NUMA1: variants seen among roughly 807,000 people sequenced by gnomAD.
NUMA1 encodes the protein nuclear mitotic apparatus protein 1, also known as SP-H antigen.
NUMA1 carries 62 observed loss-of-function variants against 237.1 expected under a neutral mutation model. That is an observed-to-expected ratio of 0.26 (90% CI 0.21 to 0.32). The LOEUF is 0.32. Among genes scored for constraint, NUMA1 ranks in the 10% least tolerant of loss-of-function variants. NUMA1 has a pLI of 1.00. For synonymous variants in NUMA1, 1,028 were observed against 1,066.1 expected (o/e 0.96, Z 0.70); for missense variants, 2,533 against 2,666.5 (o/e 0.95, Z 1.10).
chr11:72,067,967 C>T lies in NUMA1; in HGVS notation c.-33+1875G>A, dbSNP rs933640292. 2.6e-5 allele frequency: 4 copies of T among 152,360 alleles called. No individual in the cohort carries two copies. In the Middle Eastern group the frequency reaches 0.01, roughly 389 times the overall value. The allele number at this position is 152,360 out of a possible 1,614,324, so 9.4% of individuals were successfully genotyped here. A position where few individuals can be genotyped will look rare whatever the true frequency, so the allele number is the denominator to read the frequency against. On this transcript the variant is annotated intron_variant, in intron 2 of 26. Transcript: ENST00000393695. ...AGATAACAGCCCCTAGGCTTGACCC[C>T]TTCACCATCTTCCTGCCTACCTTTT...
intron 4 of NUMA1, 98 bp downstream of exon 4, chr11:72,029,107 T>C: frequency 2.4e-6 from 2 of 823,408 alleles, no homozygotes; most frequent in South Asian, 1.7e-5. Flanking sequence ...CCCTGATTTC[T>C]GGTCATAGCC....
At chr11:72,019,059 C>CG in intron 9 of NUMA1, 79 bp from the exon 10 acceptor site, 3 of 1,536,018 alleles carry the variant, frequency 2.0e-6, no homozygotes, top group Non-Finnish European at 2.7e-6. Context: ...AGTAAGGGAG[C>CG]GGGGTCTATG....
intron 2 of NUMA1, among the ~76,000 whole-genome samples, chr11:72,061,290 C>T (rs1020503197): frequency 2.6e-5 from 4 of 152,028 alleles, no homozygotes; most frequent in Non-Finnish European, 5.9e-5. Context: ...GTCTAATTGG[C>T]CACAGCCAGA....
chr11:72,063,546 G>C (rs1413842960), intron 2 of NUMA1, among the ~76,000 whole-genome samples: 8 of 150,698 alleles, frequency 5.3e-5, no homozygotes, highest in Non-Finnish European at 1.0e-4. Context: ...TAGGATGATG[G>C]GTGTGAGCCA....
In NUMA1 at chr11:72,006,291, T is replaced by C. The variant is rs7938674; in HGVS notation, c.5464-28A>G. 12,589 of 1,596,994 alleles carry C rather than the reference T, an allele frequency of 7.9e-3. 711 individuals carry two copies. In the African/African-American group the frequency reaches 0.13, roughly 17 times the overall value. ...GGAAGACAGAGTGAATCTGTTGCAG[T>C]GTACAGTCCCTGGCACTGTACAGAA... On this transcript the variant is annotated intron_variant, in intron 21 of 26. Transcript: ENST00000393695.
chr11:72,037,555 A>C (rs920616628), intron 2 of NUMA1, among the ~76,000 whole-genome samples: 9 of 152,244 alleles, frequency 5.9e-5, no homozygotes, highest in Admixed American at 1.3e-4. Context: ...AGCCACATGG[A>C]AAATGGGAGA....
chr11:72,049,300 G>A (rs912444269), intron 2 of NUMA1: 1 of 151,878 alleles, frequency 6.6e-6, no homozygotes, highest in African/African-American at 2.4e-5. Flanking sequence ...AAACATAGTA[G>A]ATCTGGTGTT....
chr11:72,023,097 C>A lies in NUMA1; in HGVS notation c.259G>T (p.Val87Leu). 6.2e-7 allele frequency: 1 copy of A among 1,614,000 alleles called. No homozygotes were observed. Among genetic ancestry groups the A allele is most frequent in the Non-Finnish European group, 8.5e-7 (1 of 1,179,928 alleles). The change falls in exon 6 of 27, where the codon GTG (valine) becomes TTG (leucine). Residue 87 changes from valine to leucine, a missense_variant. Val to Leu is a conservative substitution (Grantham distance 32). Transcript: ENST00000393695. ...AGTTCCAGCTCTGATCCCTCTAGCACCTTCTGTGCAGATACCAGGCATTCT... is the reference window on the plus strand; with the variant it reads ...AGTTCCAGCTCTGATCCCTCTAGCAACTTCTGTGCAGATACCAGGCATTCT... ...SPECLVSAQK[V>L]LEGSELELAK... is the part of the protein sequence containing the mutation.
intron 13 of NUMA1, 116 bp downstream of exon 13, chr11:72,017,570 TG>T: frequency 8.0e-7 from 1 of 1,245,752 alleles, no homozygotes; most frequent in Non-Finnish European, 1.2e-6. Flanking sequence ...AGCACACTAT[TG>T]AACCTTGAAG....
At position 72,024,313 on chromosome 11, in the gene NUMA1, C is replaced by T. The variant is rs745550456; in HGVS notation, c.169G>A (p.Val57Met). ...CACACAAAGTCCAGTCTCTCTGACACCGGCTGCTTCAAGATTTGCTGTCCC... is the reference window on the plus strand; with the variant it reads ...CACACAAAGTCCAGTCTCTCTGACATCGGCTGCTTCAAGATTTGCTGTCCC... ...EEGQQILKQP[V>M]SERLDFVCSF... The change falls in exon 5 of 27, where the codon GTG (valine) becomes ATG (methionine). Residue 57 changes from valine (V) to methionine (M), a missense_variant. Around this residue, in one of 3 missense-constraint regions of NUMA1, gnomAD observed 1,414 missense variants for 1,508.1 expected, o/e 0.94. Transcript: ENST00000393695. 39 of 1,614,104 alleles carry T rather than the reference C, an allele frequency of 2.4e-5. No individual in the cohort carries two copies. The South Asian group carries it at 4.3e-4, about 18-fold the overall frequency.
chr11:72,055,965 TACACACAC>T (rs58350314), intron 2 of NUMA1, among the ~76,000 whole-genome samples: 122,269 of 148,128 alleles, frequency 0.83, 51,270 homozygotes, highest in Non-Finnish European at 0.92. Context: ...AAAATACACA[TACACACAC>T]ACACACACAC....
At chr11:72,024,818 A>C (rs562107241) in intron 4 of NUMA1, 1 of 160,022 alleles carries the variant, frequency 6.2e-6, no homozygotes, top group South Asian at 1.7e-4. Flanking sequence ...CTGAAGTGAC[A>C]GGGTGAAGTT....
rs961088916 is a variant in NUMA1 at position 72,010,821 on chromosome 11, C to T, written c.4684G>A (p.Asp1562Asn). The T allele has an allele frequency of 1.2e-6, 2 of 1,613,934 alleles. No individual in the cohort carries two copies. The highest frequency in any genetic ancestry group is 2.2e-5 in the South Asian group (2 of 91,074). ...EELSKKLADS[D>N]QASKVQQQKL... ...TGCTGCTGCACCTTGCTGGCTTGGT[C>T]AGAGTCAGCCAGTTTCTTACTCAGT... is the stretch of plus-strand genomic sequence containing the variant. The change falls in exon 17 of 27, where the codon GAC becomes AAC. Residue 1562 changes from aspartate to asparagine, a missense_variant. Transcript: ENST00000393695.
intron 2 of NUMA1, among the ~76,000 whole-genome samples, chr11:72,059,206 G>A (rs935621414): frequency 6.6e-6 from 1 of 152,116 alleles, no homozygotes; most frequent in African/African-American, 2.4e-5. Context: ...AATATGTTCT[G>A]CAACTTGCCC....
chr11:72,037,749 T>C (rs1173694676), intron 2 of NUMA1, among the ~76,000 whole-genome samples: 1 of 152,250 alleles, frequency 6.6e-6, no homozygotes. Flanking sequence ...GCATCAGTCT[T>C]GGAATTGAGC....
At position 72,008,949 on chromosome 11, in the gene NUMA1, T is replaced by G. The variant is rs199871561; in HGVS notation, c.5058+18A>C. On this transcript the variant is annotated intron_variant, in intron 19 of 26. Transcript: ENST00000393695. ...CAGTGGAATAGGAGTGAGGTGAGTCTGCCAGCCAAATTCTTACCTGTGCCT... is the reference window on the plus strand; with the variant it reads ...CAGTGGAATAGGAGTGAGGTGAGTCGGCCAGCCAAATTCTTACCTGTGCCT... The G allele has an allele frequency of 6.3e-7, 1 of 1,597,896 alleles. No homozygotes were observed. The highest frequency in any genetic ancestry group is 8.5e-7 in the Non-Finnish European group (1 of 1,176,886).
rs1428032433 is a variant in NUMA1, at chr11:72,003,551, C to T, written c.6337-13G>A. The stretch of plus-strand genomic sequence containing the variant: ...TTTAGTGCTTTGCCTGAAAGAGACA[C>T]AGTCACATGGCCAGATGAGAACTTG... On this transcript the variant is annotated splice_polypyrimidine_tract_variant and intron_variant, in intron 26 of 26. Coordinates refer to ENST00000393695, the MANE Select transcript of NUMA1 (RefSeq NM_006185.4). 3 of 1,614,170 alleles carry T rather than the reference C, an allele frequency of 1.9e-6. No homozygotes were observed. Among genetic ancestry groups the T allele is most frequent in the Admixed American group, 1.7e-5 (1 of 60,030 alleles).
At chr11:72,072,675 C>T (rs1943507386) in intron 1 of NUMA1, among the ~76,000 whole-genome samples, 1 of 152,200 alleles carries the variant, frequency 6.6e-6, no homozygotes, top group Admixed American at 6.5e-5. Flanking sequence ...CAACCCTTTA[C>T]CTTGGTTCTC....
Position 72,074,194 on chromosome 11 carries a change from C to CAAAACAAAAACAAAGACAA in NUMA1, c.-102-4284_-102-4283insTTGTCTTTGTTTTTGTTTT, listed in dbSNP as rs141971998. ...GGGCACCAGGAGCGAAACTCCATCT[C>CAAAACAAAAACAAAGACAA]AAAAAAAATTAACCAGACGGTAGTG... is the stretch of plus-strand genomic sequence containing the variant. On this transcript the variant is annotated intron_variant, in intron 1 of 26. Coordinates refer to ENST00000393695, the MANE Select transcript of NUMA1 (RefSeq NM_006185.4). Among the ~76,000 whole-genome samples, 234 of 149,754 alleles carry CAAAACAAAAACAAAGACAA rather than the reference C, an allele frequency of 1.6e-3. 3 individuals are homozygous for CAAAACAAAAACAAAGACAA. The East Asian group carries it at 0.03, about 19-fold the overall frequency.
Sources: gnomAD v4.1 joint callset for allele counts (sites outside exome capture counted in the v4.1 genomes callset) on GRCh38, gnomAD v4.1.1 for gene constraint, gnomAD v4.1.1 regional missense constraint, MANE v1.5 for transcripts, NCBI Gene and HGNC (gene_info 2026-07-23, HGNC 2026-07-21) for gene names.